Variants in LAMB1 observed in about 807,000 individuals in gnomAD.
The protein encoded by LAMB1 is laminin subunit beta-1.
LAMB1 carries 121 observed loss-of-function variants against 222.3 expected under a neutral mutation model. The observed-to-expected ratio is 0.54, with a 90% CI of 0.47 to 0.63. LAMB1 has a LOEUF of 0.63. Ranked by LOEUF, LAMB1 falls within the 30% of genes least tolerant of loss-of-function variation. The pLI, the probability that LAMB1 is intolerant of heterozygous loss-of-function variation, is 0.00. For synonymous variants in LAMB1, 794 were observed against 807.2 expected (o/e 0.98, Z 0.28); for missense variants, 2,172 against 2,240.8 (o/e 0.97, Z 0.62).
At chr7:107,924,498 G>A (rs1469315210) in intron 32 of LAMB1, 109 bp from the exon 33 acceptor site, 1 of 712,038 alleles carries the variant, frequency 1.4e-6, no homozygotes, top group South Asian at 2.7e-5. Context: ...GGCCACCAAG[G>A]ATATTCACTG....
chr7:107,976,001 C>T, intron 9 of LAMB1, 124 bp from the exon 10 acceptor site: 1 of 742,310 alleles, frequency 1.3e-6, no homozygotes, highest in South Asian at 2.0e-5. Context: ...AGTCAACAAG[C>T]AGGACTCCTG....
In LAMB1 at chr7:107,960,652, G is replaced by T. The variant is rs966564097; in HGVS notation, c.2110-3C>A. On this transcript the variant is annotated splice_region_variant and splice_polypyrimidine_tract_variant and intron_variant, in intron 17 of 33. Coordinates refer to ENST00000222399, the MANE Select transcript of LAMB1 (RefSeq NM_002291.3). ...TTACAGTATGGCATGAGAACAAGCT[G>T]TGAAGAAATGAGAACGGCCAAACAT... 6.2e-7 allele frequency: 1 copy of T among 1,613,766 alleles called. No individual in the cohort carries two copies.
chr7:107,960,408 G>A, intron 18 of LAMB1, 37 bp downstream of exon 18: 1 of 1,542,626 alleles, frequency 6.5e-7, no homozygotes. Context: ...CTCAGAGCCA[G>A]AAACAGCAGC....
intron 5 of LAMB1, among the ~76,000 whole-genome samples, chr7:107,988,813 C>A (rs2034129822): frequency 6.6e-6 from 1 of 152,186 alleles, no homozygotes; most frequent in Non-Finnish European, 1.5e-5. Context: ...CCATCCCGAA[C>A]CAAGGAGAGA....
In LAMB1 at chr7:107,923,917, C is replaced by T. The variant is rs748405251; in HGVS notation, c.*34G>A. ...AGTTTTTAAAATGTAGTTGTTTTAC[C>T]TTGTTCACCTCAGCCATTTTTTATT... On this transcript the variant is annotated 3_prime_UTR_variant, in exon 34 of 34. Coordinates refer to ENST00000222399, the MANE Select transcript of LAMB1 (RefSeq NM_002291.3). 2.5e-5 allele frequency: 39 copies of T among 1,575,310 alleles called. No individual in the cohort carries two copies. The Middle Eastern group carries it at 5.1e-4, about 21-fold the overall frequency.
chr7:107,962,923 T>C lies in LAMB1; in HGVS notation c.1839A>G (p.Leu613=), dbSNP rs752814275. The C allele has an allele frequency of 8.7e-6, 14 of 1,613,042 alleles. No homozygotes were observed. In the East Asian group the frequency reaches 2.5e-4, roughly 28 times the overall value. ...TCTTTACCTGTGGCTCGTAGCGAATTAGGATGTCGTACTCCATGGAATATG... is the reference window on the plus strand; with the variant it reads ...TCTTTACCTGTGGCTCGTAGCGAATCAGGATGTCGTACTCCATGGAATATG... ...NIPYSMEYDI[L]IRYEPQLPDH... The change falls in exon 15 of 34, where the codon CTA becomes CTG. Residue 613 remains leucine (L), a synonymous_variant. Transcript: ENST00000222399.
rs760724812 is a variant in LAMB1 at position 107,932,381 on chromosome 7, C to T, written c.4189-4G>A. On this transcript the variant is annotated splice_region_variant and splice_polypyrimidine_tract_variant and intron_variant, in intron 27 of 33. Coordinates refer to ENST00000222399, the MANE Select transcript of LAMB1 (RefSeq NM_002291.3). ...CCCCTGGGGGTGTTCCACAGGTCTG[C>T]AACAAGCCAAGGATCAGGCACAATA... 13 of 1,613,998 alleles carry T rather than the reference C, an allele frequency of 8.1e-6. No homozygotes were observed. Among genetic ancestry groups the T allele is most frequent in the Non-Finnish European group, 8.5e-6 (10 of 1,179,970 alleles).
At chr7:107,998,604 A>G (rs2034324399) in intron 3 of LAMB1, 112 bp from the exon 4 acceptor site, 1 of 854,434 alleles carries the variant, frequency 1.2e-6, no homozygotes, top group African/African-American at 1.7e-5. Flanking sequence ...TAGCTTCAAG[A>G]AAAATAATTG....
At chr7:107,994,694 T>C (rs2034251110) in intron 5 of LAMB1, among the ~76,000 whole-genome samples, 193 bp downstream of exon 5, 1 of 152,256 alleles carries the variant, frequency 6.6e-6, no homozygotes, top group African/African-American at 2.4e-5. Context: ...TTCTACTTAT[T>C]GTCATGAAGA....
chr7:107,965,115 T>C (rs965236060), intron 13 of LAMB1, among the ~76,000 whole-genome samples: 1 of 152,126 alleles, frequency 6.6e-6, no homozygotes, highest in Non-Finnish European at 1.5e-5. Context: ...CCTCGGATGG[T>C]CTCTATCAGG....
At position 108,001,660 on chromosome 7, in the gene LAMB1, G is replaced by T. The variant is rs746749332; in HGVS notation, c.111C>A (p.Pro37=). ...GGCCGATGAGAAGGTCGCCCGTGGC[G>T]GGATAGCAGCTGCCTTCTGCGCAGC... The part of the protein sequence containing the change: ...SYGCAEGSCY[P]ATGDLLIGRA... The change falls in exon 3 of 34, where the codon CCC becomes CCA. Residue 37 remains proline, a synonymous_variant. Transcript: ENST00000222399. 9.3e-6 allele frequency: 15 copies of T among 1,612,562 alleles called. No homozygotes were observed. Among genetic ancestry groups the T allele is most frequent in the African/African-American group, 1.3e-5 (1 of 74,934 alleles).
intron 25 of LAMB1, 72 bp downstream of exon 25, chr7:107,939,917 G>A (rs2032938896): frequency 2.0e-6 from 3 of 1,514,576 alleles, no homozygotes; most frequent in Non-Finnish European, 9.0e-7. Flanking sequence ...ACCATGCCAG[G>A]AAATCTTTGC....
At chr7:107,960,345 C>T in intron 18 of LAMB1, 100 bp downstream of exon 18, 1 of 804,218 alleles carries the variant, frequency 1.2e-6, no homozygotes, top group Non-Finnish European at 2.1e-6. Flanking sequence ...CTTGTGCTGC[C>T]TAACACAGGG....
intron 13 of LAMB1, among the ~76,000 whole-genome samples, chr7:107,967,105 C>T (rs1455077956): frequency 1.3e-5 from 2 of 152,248 alleles, no homozygotes; most frequent in Non-Finnish European, 2.9e-5. Context: ...GCTGTCATCT[C>T]TAATTCATCT....
rs1281134804 is a variant in LAMB1 at position 107,978,087 on chromosome 7, A to G, written c.960T>C (p.Pro320=). The G allele has an allele frequency of 2.5e-6, 4 of 1,614,196 alleles. No individual in the cohort carries two copies. Among genetic ancestry groups the G allele is most frequent in the South Asian group, 1.1e-5 (1 of 91,088 alleles). ...TGTTTCGGCCTTCAGCAGGTCTCCA[A>G]GGTAAATCATGGTAGAAATCCATGC... The part of the protein sequence containing the change: ...ELCMDFYHDL[P]WRPAEGRNSN... Residue 320 remains proline (P), a synonymous_variant, in exon 9 of 34, where the codon CCT becomes CCC. Coordinates refer to ENST00000222399, the MANE Select transcript of LAMB1 (RefSeq NM_002291.3).
intron 13 of LAMB1, among the ~76,000 whole-genome samples, chr7:107,968,708 C>T: frequency 6.6e-6 from 1 of 151,972 alleles, no homozygotes. Flanking sequence ...AGATGACAGC[C>T]AGCAAAAGAA....
chr7:107,940,984 A>C (rs1202954646), intron 24 of LAMB1, among the ~76,000 whole-genome samples: 2 of 152,240 alleles, frequency 1.3e-5, no homozygotes, highest in African/African-American at 4.8e-5. Flanking sequence ...AACCCAAAGG[A>C]ATTCTAAGTA....
rs759170711 is a variant in LAMB1, at chr7:107,935,574, G to A, written c.4029C>T (p.Asn1343=). 2.7e-5 allele frequency: 44 copies of A among 1,613,724 alleles called. No individual in the cohort carries two copies. Among genetic ancestry groups the A allele is most frequent in the Non-Finnish European group, 3.6e-5 (43 of 1,179,938 alleles). ...ERVNASTTEP[N]STVEQSALMR... is the part of the protein sequence containing the mutation. Reference sequence around the variant, plus strand: ...TGAGGGCTGACTGCTCCACAGTGCTGTTGGGTTCTGTGGTGGAGGCATTCA... The same window carrying A: ...TGAGGGCTGACTGCTCCACAGTGCTATTGGGTTCTGTGGTGGAGGCATTCA... The change falls in exon 27 of 34, where the codon AAC becomes AAT. Residue 1343 remains asparagine (N), a synonymous_variant. Coordinates refer to ENST00000222399, the MANE Select transcript of LAMB1 (RefSeq NM_002291.3).
chr7:107,990,694 G>C (rs1481040643), intron 5 of LAMB1, among the ~76,000 whole-genome samples: 1 of 152,190 alleles, frequency 6.6e-6, no homozygotes, highest in Non-Finnish European at 1.5e-5. Context: ...TCATGGTTCA[G>C]CTTTTGATTT....
Sources: allele counts gnomAD v4.1 joint callset (sites outside exome capture counted in the v4.1 genomes callset), GRCh38; gene constraint gnomAD v4.1.1; transcripts MANE v1.5; gene names NCBI Gene and HGNC (gene_info 2026-07-23, HGNC 2026-07-21).